KIF14: variants seen among roughly 807,000 people sequenced by gnomAD.
KIF14 encodes kinesin family member 14.
Under a neutral mutation model 176.2 loss-of-function variants are expected in KIF14, and 98 were observed. That is an observed-to-expected ratio of 0.56 (90% confidence interval 0.47 to 0.66). KIF14 has a LOEUF of 0.66. Ranked by LOEUF, KIF14 falls within the 30% of genes least tolerant of loss-of-function variation. The pLI, the probability that KIF14 is intolerant of heterozygous loss-of-function variation, is 0.00. For synonymous variants in KIF14, 566 were observed against 632.2 expected, an observed-to-expected ratio of 0.90 and a Z score of 1.57; for missense variants, 1,751 against 1,920.4, an observed-to-expected ratio of 0.91 and a Z score of 1.65.
intron 17 of KIF14, 71 bp from the exon 18 acceptor site, chr1:200,589,440 T>C: frequency 1.6e-6 from 2 of 1,280,892 alleles, no homozygotes; most frequent in Non-Finnish European, 2.1e-6. Context: ...TCCCTTTCTT[T>C]AACCAATGTA....
intron 2 of KIF14, among the ~76,000 whole-genome samples, chr1:200,616,646 C>T (rs549556914): frequency 4.1e-4 from 62 of 152,346 alleles, no homozygotes; most frequent in African/African-American, 1.5e-3. Context: ...TGCTTAGATA[C>T]ACAGCTTCAA....
At chr1:200,603,057 G>T (rs1213321137) in intron 10 of KIF14, among the ~76,000 whole-genome samples, 169 bp downstream of exon 10, 2 of 152,180 alleles carry the variant, frequency 1.3e-5, no homozygotes, top group Non-Finnish European at 2.9e-5. Flanking sequence ...CAAAGTCACA[G>T]AGCTTATAAG....
intron 19 of KIF14, among the ~76,000 whole-genome samples, chr1:200,583,908 T>C (rs1381123598): frequency 4.6e-5 from 7 of 150,782 alleles, no homozygotes; most frequent in African/African-American, 7.3e-5. Context: ...CACCACTGCA[T>C]TCCAGCCTGG....
chr1:200,553,535 A>G lies in KIF14; in HGVS notation c.4800T>C (p.Asn1600=). ...TAGATTGTTGGTGTTCTTCTTTGGT[A>G]TTTTGATTATAAGTTTCCCAGGGTT... is the stretch of plus-strand genomic sequence containing the variant. ...LLKPWETYNQ[N]TKEEHQQSKS... is the part of the protein sequence containing the mutation. The change falls in exon 30 of 30, where the codon AAT becomes AAC. Residue 1600 remains asparagine, a synonymous_variant. Coordinates refer to ENST00000367350, the MANE Select transcript of KIF14 (RefSeq NM_014875.3). 6.2e-7 allele frequency: 1 copy of G among 1,613,980 alleles called. No homozygotes were observed. The highest frequency in any genetic ancestry group is 8.5e-7 in the Non-Finnish European group (1 of 1,180,004).
chr1:200,557,412 A>C (rs1256584377), intron 27 of KIF14, among the ~76,000 whole-genome samples: 1 of 152,272 alleles, frequency 6.6e-6, no homozygotes, highest in African/African-American at 2.4e-5. Context: ...GCCAGGCACT[A>C]TATTTTTAGC....
At position 200,553,373 on chromosome 1, in the gene KIF14, C is replaced by G; in HGVS notation, c.*15G>C. 1 of 1,551,398 alleles carries G rather than the reference C, an allele frequency of 6.4e-7. No individual in the cohort carries two copies. The highest frequency in any genetic ancestry group is 8.7e-7 in the Non-Finnish European group (1 of 1,151,672). The stretch of plus-strand genomic sequence containing the variant: ...TCTTTCATGGGTGGTCATAAAAGTG[C>G]CTACACATCAGTATTCACACCCACT... On this transcript the variant is annotated 3_prime_UTR_variant, in exon 30 of 30. Coordinates refer to ENST00000367350, the MANE Select transcript of KIF14 (RefSeq NM_014875.3).
chr1:200,559,789 A>G lies in KIF14; in HGVS notation c.4231-337T>C, dbSNP rs2808233. ...TTTTTTTTGAAATGGAGTTTCGCTC[A>G]TGTTGCCCAGGCTGGAGTGAAATAG... On this transcript the variant is annotated intron_variant, in intron 26 of 29. Coordinates refer to ENST00000367350, the MANE Select transcript of KIF14 (RefSeq NM_014875.3). Among the ~76,000 whole-genome samples the G allele has an allele frequency of 0.99, 149,325 of 151,418 alleles. 73,657 individuals are homozygous for G. Among genetic ancestry groups the G allele is most frequent in the Middle Eastern group, 1 (294 of 294 alleles).
intron 28 of KIF14, among the ~76,000 whole-genome samples, chr1:200,555,141 G>A (rs1299947913): frequency 2.0e-5 from 3 of 152,022 alleles, no homozygotes; most frequent in Non-Finnish European, 2.9e-5. Context: ...TATTAAACCA[G>A]TAGCAATAAG....
In KIF14 at chr1:200,557,553, G is replaced by A. The variant is rs143801117; in HGVS notation, c.4353+1777C>T. 4.2e-3 allele frequency among the ~76,000 whole-genome samples: 644 copies of A among 152,240 alleles called. 4 individuals carry two copies. The highest frequency in any genetic ancestry group is 0.015 in the African/African-American group (621 of 41,542). On this transcript the variant is annotated intron_variant, in intron 27 of 29. Transcript: ENST00000367350. Reference sequence around the variant, plus strand: ...GTTGTTCAAGGCTACATAGGAAGTAGGAGAGCAGCTTAATGTTCCATGTCT... The same window carrying A: ...GTTGTTCAAGGCTACATAGGAAGTAAGAGAGCAGCTTAATGTTCCATGTCT...
intron 25 of KIF14, among the ~76,000 whole-genome samples, chr1:200,561,468 G>A (rs1363719600): frequency 6.6e-6 from 1 of 151,744 alleles, no homozygotes; most frequent in Non-Finnish European, 1.5e-5. Context: ...GAACCTGGGA[G>A]GTGGAGATTG....
chr1:200,552,253 C>T lies in KIF14; in HGVS notation c.*1135G>A, dbSNP rs1185728285. ...AAAGTATCTCTTCAAATTATACATA[C>T]TCTTGAGGTCAAAAACGTCAAACTA... On this transcript the variant is annotated 3_prime_UTR_variant, in exon 30 of 30. Transcript: ENST00000367350. 6.6e-6 allele frequency: 1 copy of T among 151,892 alleles called. No individual in the cohort carries two copies. The highest frequency in any genetic ancestry group is 2.4e-5 in the African/African-American group (1 of 41,334). 9.4% of individuals were successfully genotyped at this position (151,892 alleles called of 1,614,324 possible).
chr1:200,613,952 A>C (rs1428482802), intron 4 of KIF14, among the ~76,000 whole-genome samples: 1 of 152,190 alleles, frequency 6.6e-6, no homozygotes, highest in Non-Finnish European at 1.5e-5. Flanking sequence ...ACTCTTTCTG[A>C]TTCACGTTGT....
chr1:200,569,943 G>A lies in KIF14; in HGVS notation c.3629C>T (p.Pro1210Leu), dbSNP rs1657685223. 6.2e-7 allele frequency: 1 copy of A among 1,600,198 alleles called. No individual in the cohort carries two copies. Among genetic ancestry groups the A allele is most frequent in the South Asian group, 1.1e-5 (1 of 88,882 alleles). Reference protein sequence around the residue: ...SGCLHDIQVHPIKNLHSSHSS... With the variant: ...SGCLHDIQVHLIKNLHSSHSS... Reference sequence around the variant, plus strand: ...ATGTGAAGAATGCAAATTCTTAATTGGATGGACTTGTATGTCATGTAAACA... The same window carrying A: ...ATGTGAAGAATGCAAATTCTTAATTAGATGGACTTGTATGTCATGTAAACA... The change falls in exon 23 of 30, where the codon CCA becomes CTA. Residue 1210 changes from proline to leucine, a missense_variant. Coordinates refer to ENST00000367350, the MANE Select transcript of KIF14 (RefSeq NM_014875.3).
At chr1:200,557,295 C>T (rs1337405315) in intron 27 of KIF14, among the ~76,000 whole-genome samples, 1 of 152,156 alleles carries the variant, frequency 6.6e-6, no homozygotes, top group Non-Finnish European at 1.5e-5. Context: ...AGCCACCGCG[C>T]CCAGCCGTGT....
intron 16 of KIF14, among the ~76,000 whole-genome samples, chr1:200,590,962 G>A (rs1227824793): frequency 6.6e-6 from 1 of 151,930 alleles, no homozygotes; most frequent in Admixed American, 6.6e-5. Context: ...GGAGGTGGAA[G>A]TTGCAATGAA....
intron 28 of KIF14, 62 bp downstream of exon 28, chr1:200,555,318 T>A: frequency 9.4e-7 from 1 of 1,065,750 alleles, no homozygotes. Context: ...AATATCTACA[T>A]TTGAACCAAG....
intron 2 of KIF14, among the ~76,000 whole-genome samples, chr1:200,616,153 G>A (rs1660397154): frequency 6.6e-6 from 1 of 152,012 alleles, no homozygotes; most frequent in Non-Finnish European, 1.5e-5. Context: ...GACTTAGGTG[G>A]AAATCTTTCA....
At chr1:200,598,513 C>T (rs556053071) in intron 13 of KIF14, 92 bp from the exon 14 acceptor site, 273 of 784,858 alleles carry the variant, frequency 3.5e-4, no homozygotes, top group Middle Eastern at 2.3e-3. Context: ...AACATTAAAA[C>T]AATTCTATAT....
At position 200,551,932 on chromosome 1, in the gene KIF14, T is replaced by C. The variant is rs1189048001; in HGVS notation, c.*1456A>G. 6.6e-6 allele frequency: 1 copy of C among 152,216 alleles called. No individual in the cohort carries two copies. The highest frequency in any genetic ancestry group is 1.5e-5 in the Non-Finnish European group (1 of 68,030). The allele number at this position is 152,216 out of a possible 1,614,324, so 9.4% of individuals were successfully genotyped here. On this transcript the variant is annotated 3_prime_UTR_variant, in exon 30 of 30. Transcript: ENST00000367350. Reference sequence around the variant, plus strand: ...AAAAAAGAAATGAAAGCAAATGTGCTACATTGTACCATTTTAAAGAGCTTG... The same window carrying C: ...AAAAAAGAAATGAAAGCAAATGTGCCACATTGTACCATTTTAAAGAGCTTG...
Sources: gnomAD v4.1 joint callset for allele counts (sites outside exome capture counted in the v4.1 genomes callset) on GRCh38, gnomAD v4.1.1 for gene constraint, MANE v1.5 for transcripts, NCBI Gene and HGNC (gene_info 2026-07-23, HGNC 2026-07-21) for gene names.